Variants in LARGE1 observed in about 807,000 individuals in gnomAD.
LARGE1 encodes xylosyl- and glucuronyltransferase LARGE1.
A neutral mutation model predicts 87.6 loss-of-function variants in LARGE1; 43 were observed. That is an observed-to-expected ratio of 0.49 (90% CI 0.38 to 0.63). The LOEUF is 0.63. Among genes scored for constraint, LARGE1 ranks in the 30% least tolerant of loss-of-function variants. LARGE1 has a pLI of 0.00. For synonymous variants in LARGE1, 434 were observed against 394.6 expected (o/e 1.10, Z -1.18); for missense variants, 802 against 1,000.2 (o/e 0.80, Z 2.67).
At chr22:33,901,364 T>C (rs1276815815) in intron 1 of LARGE1, among the ~76,000 whole-genome samples, 2 of 152,128 alleles carry the variant, frequency 1.3e-5, no homozygotes, top group Admixed American at 6.5e-5. Flanking sequence ...ACGGCTGCCA[T>C]AGGAAATGAA....
chr22:33,664,401 T>C (rs2081210602), intron 2 of LARGE1, among the ~76,000 whole-genome samples: 1 of 152,208 alleles, frequency 6.6e-6, no homozygotes, highest in Admixed American at 6.5e-5. Flanking sequence ...AGCAATGTAT[T>C]GCAATGTTGG....
At chr22:33,209,427 C>T (rs1357249056) in intron 11 of LARGE1, among the ~76,000 whole-genome samples, 1 of 152,124 alleles carries the variant, frequency 6.6e-6, no homozygotes, top group Non-Finnish European at 1.5e-5. Context: ...TTGTTAGATA[C>T]CTTTCAAATT....
At chr22:33,715,923 A>G (rs1307498354) in intron 2 of LARGE1, among the ~76,000 whole-genome samples, 11 of 152,226 alleles carry the variant, frequency 7.2e-5, no homozygotes, top group East Asian at 1.9e-4. Context: ...AAATTTCTCT[A>G]AAGAGTTACA....
At position 33,277,249 on chromosome 22, in the gene LARGE1, G is replaced by C. The variant is rs78223631; in HGVS notation, c.1884C>G (p.His628Gln). 1 of 1,614,032 alleles carries C rather than the reference G, an allele frequency of 6.2e-7. No homozygotes were observed. Among genetic ancestry groups the C allele is most frequent in the Non-Finnish European group, 8.5e-7 (1 of 1,180,006 alleles). Reference protein sequence around the residue: ...DMGTLFTFRYHVWTKGHAPTN... With the variant: ...DMGTLFTFRYQVWTKGHAPTN... Reference sequence around the variant, plus strand: ...TGGGTGCGTGGCCTTTCGTCCAGACGTGGTACCTGAGACACACGGAGAAAA... The same window carrying C: ...TGGGTGCGTGGCCTTTCGTCCAGACCTGGTACCTGAGACACACGGAGAAAA... The change falls in exon 14 of 15, where the codon CAC becomes CAG. Residue 628 changes from histidine to glutamine, a missense_variant. Physicochemically the swap from His to Gln is conservative, Grantham distance 24. Transcript: ENST00000397394.
At chr22:33,814,794 C>A (rs997558993) in intron 1 of LARGE1, among the ~76,000 whole-genome samples, 11 of 152,002 alleles carry the variant, frequency 7.2e-5, no homozygotes, top group Admixed American at 7.2e-4. Context: ...CTCTGGAGAA[C>A]CCTGACTGAT....
intron 3 of LARGE1, among the ~76,000 whole-genome samples, chr22:33,628,223 T>G (rs2079988361): frequency 6.6e-6 from 1 of 152,134 alleles, no homozygotes; most frequent in Non-Finnish European, 1.5e-5. Flanking sequence ...CTCAAAGTTG[T>G]ATGAGACAGG....
chr22:33,696,934 C>T (rs577384781), intron 2 of LARGE1, among the ~76,000 whole-genome samples: 51 of 152,210 alleles, frequency 3.4e-4, no homozygotes, highest in African/African-American at 1.1e-3. Flanking sequence ...CCATTGTATC[C>T]CTTTATCCTC....
At chr22:33,158,675 C>T (rs1448894967), downstream of LARGE1, among the ~76,000 whole-genome samples, 3 of 152,030 alleles carry the variant, frequency 2.0e-5, no homozygotes, top group East Asian at 1.9e-4. Flanking sequence ...AGAATTGAGC[C>T]CCACATGTTG....
intron 2 of LARGE1, among the ~76,000 whole-genome samples, chr22:33,653,348 A>AC (rs2080874274): frequency 6.6e-6 from 1 of 152,184 alleles, no homozygotes; most frequent in Non-Finnish European, 1.5e-5. Flanking sequence ...GGTCTCCTGG[A>AC]CTTTGAGCTC....
exon 12 of LARGE1, chr22:33,164,244 G>A (rs890248699): frequency 6.6e-6 from 1 of 152,078 alleles, no homozygotes. Context: ...CTGACTTTTC[G>A]CTTTGTCTGT....
chr22:33,098,532 A>T, the LARGE1 span, among the ~76,000 whole-genome samples: 1 of 152,242 alleles, frequency 6.6e-6, no homozygotes, highest in African/African-American at 2.4e-5. Context: ...GAGGCAGGAG[A>T]ATGGCGTGAA....
chr22:33,634,578 A>G (rs1235658903), intron 3 of LARGE1, among the ~76,000 whole-genome samples: 1 of 151,330 alleles, frequency 6.6e-6, no homozygotes, highest in Non-Finnish European at 1.5e-5. Flanking sequence ...CTACCACCAC[A>G]TGTCCCGAGG....
At chr22:33,901,711 A>G (rs954115648) in intron 1 of LARGE1, among the ~76,000 whole-genome samples, 1 of 152,230 alleles carries the variant, frequency 6.6e-6, no homozygotes, top group Non-Finnish European at 1.5e-5. Context: ...ACAATCTTCC[A>G]ATCAGTTAAC....
At chr22:33,097,741 G>C in the LARGE1 span, among the ~76,000 whole-genome samples, 1 of 152,176 alleles carries the variant, frequency 6.6e-6, no homozygotes, top group Non-Finnish European at 1.5e-5. Flanking sequence ...TCAAATAAGA[G>C]GAAAGTGGTT....
chr22:33,604,497 G>C lies in LARGE1; in HGVS notation c.553C>G (p.Leu185Val). ...GCGGGCACCATCCAGGTCTGGAAGA[G>C]CGTGGCCAGGATCTGCTCCGCAATG... ...DSIAEQILAT[L>V]FQTWMVPAVR... Residue 185 changes from leucine (L) to valine (V), a missense_variant, in exon 5 of 15, where the codon CTC (leucine) becomes GTC (valine). Around this residue, in one of 2 missense-constraint regions of LARGE1, gnomAD observed 625 missense variants for 841.9 expected, o/e 0.74. Coordinates refer to ENST00000397394, the MANE Select transcript of LARGE1 (RefSeq NM_133642.5). 6.2e-7 allele frequency: 1 copy of C among 1,614,140 alleles called. No individual in the cohort carries two copies. Among genetic ancestry groups the C allele is most frequent in the Non-Finnish European group, 8.5e-7 (1 of 1,179,998 alleles).
intron 4 of LARGE1, among the ~76,000 whole-genome samples, chr22:33,621,265 G>T (rs1417041392): frequency 6.6e-6 from 1 of 152,054 alleles, no homozygotes; most frequent in Non-Finnish European, 1.5e-5. Flanking sequence ...TATTGTTAGG[G>T]TTCTCTTTTT....
chr22:33,717,212 T>A (rs1199709298), intron 2 of LARGE1, among the ~76,000 whole-genome samples: 1 of 152,096 alleles, frequency 6.6e-6, no homozygotes, highest in African/African-American at 2.4e-5. Flanking sequence ...TACCCATTCA[T>A]CCACCCATCT....
chr22:33,813,457 G>T (rs1424786727), intron 1 of LARGE1, among the ~76,000 whole-genome samples: 1 of 152,018 alleles, frequency 6.6e-6, no homozygotes, highest in Non-Finnish European at 1.5e-5. Flanking sequence ...GTGGAGGACA[G>T]ATGTGTCTGA....
intron 11 of LARGE1, among the ~76,000 whole-genome samples, chr22:33,249,290 C>G (rs1398580609): frequency 1.3e-5 from 2 of 152,192 alleles, no homozygotes; most frequent in African/African-American, 2.4e-5. Context: ...TCTCTGATGA[C>G]ATATGATGTA....
Sources: gnomAD v4.1 joint callset for allele counts (sites outside exome capture counted in the v4.1 genomes callset) on GRCh38, gnomAD v4.1.1 for gene constraint, gnomAD v4.1.1 regional missense constraint, MANE v1.5 for transcripts, NCBI Gene and HGNC (gene_info 2026-07-23, HGNC 2026-07-21) for gene names.